CSMD1: variants seen among roughly 807,000 people sequenced by gnomAD.
The protein encoded by CSMD1 is CUB and sushi domain-containing protein 1.
CSMD1 carries 213 observed loss-of-function variants against 417.5 expected under a neutral mutation model. The observed-to-expected ratio is 0.51, with a 90% CI of 0.46 to 0.57. The LOEUF is 0.57. CSMD1 is among the 20% of genes least tolerant of loss of function. The pLI is 0.00. For synonymous variants in CSMD1, 2,862 were observed against 1,736.8 expected, an observed-to-expected ratio of 1.65 and a Z score of -16.11; for missense variants, 6,923 against 4,529.7, an observed-to-expected ratio of 1.53 and a Z score of -15.17.
At chr8:3,935,808 C>G (rs914229532) in intron 5 of CSMD1, among the ~76,000 whole-genome samples, 1 of 152,022 alleles carries the variant, frequency 6.6e-6, no homozygotes, top group South Asian at 2.1e-4. Context: ...TTTATGTGCT[C>G]AAGTGAAAGG....
At chr8:3,955,447 A>G (rs539049721) in intron 5 of CSMD1, among the ~76,000 whole-genome samples, 1 of 152,290 alleles carries the variant, frequency 6.6e-6, no homozygotes, top group Non-Finnish European at 1.5e-5. Flanking sequence ...AGAATGAAAA[A>G]ATGTAGAAAT....
chr8:3,572,370 G>A (rs1799981984), intron 10 of CSMD1, among the ~76,000 whole-genome samples: 1 of 152,140 alleles, frequency 6.6e-6, no homozygotes, highest in Non-Finnish European at 1.5e-5. Context: ...GAGCAGGGAG[G>A]TGGGCAGGAG....
intron 1 of CSMD1, among the ~76,000 whole-genome samples, chr8:4,950,544 T>C (rs987741531): frequency 3.3e-5 from 5 of 152,206 alleles, no homozygotes; most frequent in African/African-American, 1.2e-4. Flanking sequence ...AAGTTGTTTT[T>C]AGTAAAGCAA....
intron 3 of CSMD1, among the ~76,000 whole-genome samples, chr8:4,245,471 G>A (rs1044303383): frequency 2.6e-5 from 4 of 152,112 alleles, no homozygotes; most frequent in Admixed American, 6.5e-5. Context: ...ACCCAACTCA[G>A]CAAACAAAAA....
At chr8:3,390,104 C>T (rs970751827) in intron 17 of CSMD1, among the ~76,000 whole-genome samples, 7 of 151,960 alleles carry the variant, frequency 4.6e-5, no homozygotes, top group African/African-American at 1.5e-4. Flanking sequence ...CTTGTAATCC[C>T]AGCACTTTGG....
intron 41 of CSMD1, among the ~76,000 whole-genome samples, chr8:3,119,946 C>T (rs892892657): frequency 1.3e-5 from 2 of 152,252 alleles, no homozygotes; most frequent in Middle Eastern, 6.8e-3. Flanking sequence ...AATAAAGTCT[C>T]CGAGCTTCTG....
intron 1 of CSMD1, among the ~76,000 whole-genome samples, chr8:4,916,502 C>T (rs900129828): frequency 5.9e-5 from 9 of 152,312 alleles, no homozygotes; most frequent in Non-Finnish European, 8.8e-5. Flanking sequence ...CTTTCTTCCT[C>T]ATGGAAATAT....
At chr8:3,533,404 C>T (rs1379677690) in intron 10 of CSMD1, among the ~76,000 whole-genome samples, 2 of 152,194 alleles carry the variant, frequency 1.3e-5, no homozygotes, top group Non-Finnish European at 2.9e-5. Context: ...TTCCCCCTCC[C>T]TGATAACAGT....
intron 10 of CSMD1, among the ~76,000 whole-genome samples, chr8:3,509,553 A>T (rs1374943277): frequency 2.6e-5 from 4 of 152,200 alleles, no homozygotes. Context: ...TCTAAATTTT[A>T]TTCAATTCCA....
At chr8:3,608,247 G>A (rs898355963) in intron 8 of CSMD1, among the ~76,000 whole-genome samples, 1 of 152,060 alleles carries the variant, frequency 6.6e-6, no homozygotes, top group Non-Finnish European at 1.5e-5. Context: ...TGCAGAGGAG[G>A]TAGTGTCAGG....
chr8:4,853,225 G>A (rs1801589798), intron 1 of CSMD1, among the ~76,000 whole-genome samples: 1 of 152,196 alleles, frequency 6.6e-6, no homozygotes, highest in Non-Finnish European at 1.5e-5. Flanking sequence ...GCCCTGGAAT[G>A]CATTTCAGAG....
chr8:4,051,914 T>TCC (rs1222600887), intron 3 of CSMD1, among the ~76,000 whole-genome samples: 120 of 150,616 alleles, frequency 8.0e-4, no homozygotes, highest in African/African-American at 2.7e-3. Context: ...CTTCCTTCCT[T>TCC]TCTTTCTTTT....
intron 2 of CSMD1, among the ~76,000 whole-genome samples, chr8:4,504,679 G>A (rs1039197307): frequency 6.6e-6 from 1 of 151,972 alleles, no homozygotes; most frequent in African/African-American, 2.4e-5. Flanking sequence ...TCCCCTCCCT[G>A]TATCCATGTG....
At chr8:3,257,809 G>A (rs1800770962) in intron 26 of CSMD1, among the ~76,000 whole-genome samples, 2 of 152,164 alleles carry the variant, frequency 1.3e-5, no homozygotes, top group African/African-American at 4.8e-5. Context: ...CGATCGGTGG[G>A]TGGGGTGAGG....
intron 7 of CSMD1, among the ~76,000 whole-genome samples, chr8:3,621,969 C>G (rs943666548): frequency 7.2e-6 from 1 of 138,106 alleles, no homozygotes. Context: ...TTATGTCTCT[C>G]TCTCTCTTTG....
At chr8:3,693,609 G>A (rs530147024) in intron 7 of CSMD1, among the ~76,000 whole-genome samples, 2 of 152,220 alleles carry the variant, frequency 1.3e-5, no homozygotes, top group South Asian at 4.2e-4. Context: ...CTTATTCCAT[G>A]AGAGAGACAA....
rs1036604988 is a variant in CSMD1, at chr8:3,507,144, T to C, written c.1345-13418A>G. Reference sequence around the variant, plus strand: ...AATTGAATAAACAGAATTTACATAGTGGAAAAGTGGTGATTTAAGTGGTTT... The same window carrying C: ...AATTGAATAAACAGAATTTACATAGCGGAAAAGTGGTGATTTAAGTGGTTT... On this transcript the variant is annotated intron_variant, in intron 10 of 69. Transcript: ENST00000635120. 3.9e-5 allele frequency among the ~76,000 whole-genome samples: 6 copies of C among 152,292 alleles called. No homozygotes were observed. The South Asian group carries it at 8.3e-4, about 21-fold the overall frequency.
chr8:4,294,443 C>T (rs184035514), intron 3 of CSMD1, among the ~76,000 whole-genome samples: 1 of 152,078 alleles, frequency 6.6e-6, no homozygotes, highest in Non-Finnish European at 1.5e-5. Flanking sequence ...CAATTAACAT[C>T]GCAGGCAATG....
chr8:3,402,590 C>A (rs1468945670), intron 15 of CSMD1, among the ~76,000 whole-genome samples: 1 of 152,156 alleles, frequency 6.6e-6, no homozygotes, highest in Non-Finnish European at 1.5e-5. Flanking sequence ...AAATAACCTA[C>A]GCTTTTAAAT....
Sources: gnomAD v4.1 joint callset for allele counts (sites outside exome capture counted in the v4.1 genomes callset) on GRCh38, gnomAD v4.1.1 for gene constraint, MANE v1.5 for transcripts, NCBI Gene and HGNC (gene_info 2026-07-23, HGNC 2026-07-21) for gene names.